The following VGLL4 variants were observed in gnomAD, a reference collection of about 807,000 sequenced individuals.
The protein encoded by VGLL4 is vestigial like family member 4, also known as transcription cofactor vestigial-like protein 4.
VGLL4 carries 7 observed loss-of-function variants against 21.0 expected under a neutral mutation model. The observed-to-expected ratio is 0.33, with a 90% CI of 0.19 to 0.63. The LOEUF is 0.63. Ranked by LOEUF, VGLL4 falls within the 20% of genes least tolerant of loss-of-function variation. The pLI is 0.78. For missense variants in VGLL4, 394 were observed against 425.7 expected, an observed-to-expected ratio of 0.93 and a Z score of 0.66; for synonymous variants, 222 against 173.2, an observed-to-expected ratio of 1.28 and a Z score of -2.21.
rs140533064 is a variant in VGLL4, at chr3:11,690,065, T to C, written c.64+12906A>G. ...GTTCTCAGTTTTTAGCCAGAGACCATTGTATAAATGTAATGCTTCGATTTC... is the reference window on the plus strand; with the variant it reads ...GTTCTCAGTTTTTAGCCAGAGACCACTGTATAAATGTAATGCTTCGATTTC... On this transcript the variant is annotated intron_variant, in intron 2 of 5. Transcript: ENST00000273038. Among the ~76,000 whole-genome samples the C allele has an allele frequency of 2.3e-3, 353 of 152,298 alleles. 1 individual carries two copies. Among genetic ancestry groups the C allele is most frequent in the African/African-American group, 7.7e-3 (319 of 41,558 alleles).
chr3:11,620,053 G>T (rs892931), intron 1 of VGLL4, among the ~76,000 whole-genome samples: 1 of 88,558 alleles, frequency 1.1e-5, no homozygotes, highest in South Asian at 3.0e-4. Context: ...GCCACCCCCC[G>T]GCAAATTAGT....
At chr3:11,592,408 C>T (rs542272627) in intron 2 of VGLL4, among the ~76,000 whole-genome samples, 1 of 152,306 alleles carries the variant, frequency 6.6e-6, no homozygotes, top group South Asian at 2.1e-4. Flanking sequence ...GGACAGCACT[C>T]CCCCTTCCAC....
chr3:11,700,852 A>G (rs530729323), intron 2 of VGLL4, among the ~76,000 whole-genome samples: 14 of 152,336 alleles, frequency 9.2e-5, no homozygotes, highest in South Asian at 8.3e-4. Flanking sequence ...CCGAGCTCCA[A>G]TTCCTCAGAT....
Position 11,640,938 on chromosome 3 carries a change from T to A in VGLL4, c.82+2499A>T, listed in dbSNP as rs139302254. 5.1e-3 allele frequency among the ~76,000 whole-genome samples: 771 copies of A among 151,998 alleles called. 6 individuals carry two copies. The highest frequency in any genetic ancestry group is 0.018 in the African/African-American group (728 of 41,438). On this transcript the variant is annotated intron_variant, in intron 1 of 4. Transcript: ENST00000430365. ...TTTGAAACCAGCCTGCCCAACATGG[T>A]GAAACCCATCTCTATTAAAAATACA...
chr3:11,595,832 G>A (rs1315145274), intron 2 of VGLL4, among the ~76,000 whole-genome samples: 2 of 22,256 alleles, frequency 9.0e-5, no homozygotes, highest in East Asian at 8.4e-4. Flanking sequence ...TCTGGGGACT[G>A]TTGTGGTGTG....
chr3:11,625,633 A>G (rs1179477177), intron 1 of VGLL4, among the ~76,000 whole-genome samples: 1 of 152,200 alleles, frequency 6.6e-6, no homozygotes, highest in African/African-American at 2.4e-5. Context: ...TTTCACAGCT[A>G]AAGATTAGTG....
chr3:11,573,200 G>A (rs2073842091), intron 2 of VGLL4, among the ~76,000 whole-genome samples: 1 of 148,506 alleles, frequency 6.7e-6, no homozygotes. Context: ...CAGAAAGAAA[G>A]AAAAGAAGAG....
intron 2 of VGLL4, among the ~76,000 whole-genome samples, chr3:11,689,779 A>G (rs2076500551): frequency 6.6e-6 from 1 of 152,274 alleles, no homozygotes; most frequent in Non-Finnish European, 1.5e-5. Flanking sequence ...TCCGTGTAAG[A>G]GGACAGAAAG....
chr3:11,688,231 A>T (rs1408666273), intron 2 of VGLL4, among the ~76,000 whole-genome samples: 1 of 152,124 alleles, frequency 6.6e-6, no homozygotes, highest in Non-Finnish European at 1.5e-5. Context: ...TATGTACTTG[A>T]TTTTATATAC....
upstream of VGLL4, chr3:11,721,064 A>G (rs543373014): frequency 1.1e-4 from 17 of 152,306 alleles, no homozygotes; most frequent in East Asian, 1.2e-3. Flanking sequence ...AAAAGGCTTC[A>G]TGTTGCTTGC....
At chr3:11,660,580 A>T (rs2125354184) in intron 2 of VGLL4, among the ~76,000 whole-genome samples, 1 of 152,348 alleles carries the variant, frequency 6.6e-6, no homozygotes, top group South Asian at 2.1e-4. Flanking sequence ...CTGTTCTTCA[A>T]ATCATGAAGT....
At chr3:11,632,077 C>G (rs923461670) in intron 1 of VGLL4, among the ~76,000 whole-genome samples, 1 of 152,164 alleles carries the variant, frequency 6.6e-6, no homozygotes, top group Non-Finnish European at 1.5e-5. Context: ...CATCCCAGCA[C>G]TTTGGGCAGG....
intron 2 of VGLL4, among the ~76,000 whole-genome samples, chr3:11,681,526 G>A (rs2076371163): frequency 6.6e-6 from 1 of 152,218 alleles, no homozygotes; most frequent in Non-Finnish European, 1.5e-5. Flanking sequence ...GGGCACCATG[G>A]GCACAGGGCC....
intron 2 of VGLL4, among the ~76,000 whole-genome samples, chr3:11,698,829 A>C (rs573574369): frequency 6.6e-6 from 1 of 152,344 alleles, no homozygotes; most frequent in East Asian, 1.9e-4. Context: ...AGACATACTG[A>C]AGCCTTAATA....
intron 2 of VGLL4, among the ~76,000 whole-genome samples, chr3:11,665,977 G>A (rs1006576891): frequency 2.0e-4 from 31 of 152,222 alleles, no homozygotes; most frequent in African/African-American, 7.0e-4. Flanking sequence ...TGGGCCGGGC[G>A]CGGTGGCTCA....
chr3:11,624,841 C>G lies in VGLL4; in HGVS notation c.82+18596G>C, dbSNP rs573788152. On this transcript the variant is annotated intron_variant, in intron 1 of 4. Coordinates refer to ENST00000430365, the MANE Select transcript of VGLL4 (RefSeq NM_001128219.3). ...TGTACCAGCTAGTCTCAACTTGATC[C>G]GAAGGAACACTGCTAGCATTCTCTC... Among the ~76,000 whole-genome samples, 11 of 152,178 alleles carry G rather than the reference C, an allele frequency of 7.2e-5. No homozygotes were observed. In the South Asian group the frequency reaches 2.3e-3, roughly 32 times the overall value.
In VGLL4 at chr3:11,556,496, G is replaced by C. The variant is rs576319889; in HGVS notation, c.*2060C>G. The C allele has an allele frequency of 6.6e-6, 1 of 152,592 alleles. No individual in the cohort carries two copies. Among genetic ancestry groups the C allele is most frequent in the Non-Finnish European group, 1.5e-5 (1 of 68,018 alleles). 9.5% of individuals were successfully genotyped at this position (152,592 alleles called of 1,614,324 possible). On this transcript the variant is annotated 3_prime_UTR_variant, in exon 5 of 5. Coordinates refer to ENST00000430365, the MANE Select transcript of VGLL4 (RefSeq NM_001128219.3). ...CAGCTGTGGGTGGTTTTCCTGTTAC[G>C]ACGCTCAGTAGCCTGTAGCAATAAC...
rs1334870035 is a variant in VGLL4 at position 11,559,552 on chromosome 3, G to A, written c.496-97C>T. 3 of 1,413,016 alleles carry A rather than the reference G, an allele frequency of 2.1e-6. 1 individual carries two copies. In the African/African-American group the frequency reaches 4.4e-5, roughly 21 times the overall value. The allele number at this position is 1,413,016 out of a possible 1,614,324, so 87.5% of individuals were successfully genotyped here. Reference sequence around the variant, plus strand: ...AGCACCCTTCAGGCTCTGTCCTGGTGCCCTTCCTGACCCAGTCTGCCACCT... The same window carrying A: ...AGCACCCTTCAGGCTCTGTCCTGGTACCCTTCCTGACCCAGTCTGCCACCT... On this transcript the variant is annotated intron_variant, in intron 3 of 4. Coordinates refer to ENST00000430365, the MANE Select transcript of VGLL4 (RefSeq NM_001128219.3).
At chr3:11,564,683 T>TCACCACCTCCCTCCCA in intron 3 of VGLL4, 114 bp downstream of exon 3, 4 of 1,273,634 alleles carry the variant, frequency 3.1e-6, no homozygotes, top group Non-Finnish European at 4.3e-6. Context: ...CCTCCCTCCC[T>TCACCACCTCCCTCCCA]CACCACCTCC....
Sources: allele counts gnomAD v4.1 joint callset (sites outside exome capture counted in the v4.1 genomes callset), GRCh38; gene constraint gnomAD v4.1.1; transcripts MANE v1.5; gene names NCBI Gene and HGNC (gene_info 2026-07-23, HGNC 2026-07-21).